Variants in PUM1 observed in about 807,000 individuals in gnomAD.
The protein encoded by PUM1 is pumilio RNA binding family member 1, also known as pumilio homolog 1.
Under a neutral mutation model 131.8 loss-of-function variants are expected in PUM1, and 13 were observed. The observed-to-expected ratio is 0.10, with a 90% CI of 0.06 to 0.16. PUM1 has a LOEUF of 0.16. PUM1 is among the 10% of genes least tolerant of loss of function. The probability of loss-of-function intolerance (pLI) is 1.00; values close to 1 mark genes in which losing one functional copy is unlikely to be tolerated. For missense variants in PUM1, 961 were observed against 1,512.4 expected (o/e 0.64, Z 6.05); for synonymous variants, 509 against 556.5 (o/e 0.91, Z 1.20).
chr1:31,002,007 C>T (rs1054151456), intron 5 of PUM1, among the ~76,000 whole-genome samples: 1 of 152,170 alleles, frequency 6.6e-6, no homozygotes, highest in African/African-American at 2.4e-5. Flanking sequence ...CTAATGCTGT[C>T]GGCCCACTGA....
intron 3 of PUM1, among the ~76,000 whole-genome samples, chr1:31,018,142 G>C (rs954500724): frequency 6.6e-6 from 1 of 151,962 alleles, no homozygotes; most frequent in African/African-American, 2.4e-5. Context: ...CTAAAGTCAG[G>C]AGTTCAAGAC....
rs562450504 is a variant in PUM1, at chr1:31,028,319, T to C, written c.432+477A>G. 1.0e-4 allele frequency among the ~76,000 whole-genome samples: 15 copies of C among 149,972 alleles called. No individual in the cohort carries two copies. The South Asian group carries it at 2.1e-3, about 21-fold the overall frequency. ...AAACCTAACAACTTCCCTTTCACAA[T>C]GGAGCTCTAAACAACTTCCTCAAAA... On this transcript the variant is annotated intron_variant, in intron 3 of 21. Transcript: ENST00000426105.
At chr1:30,945,518 A>G (rs1328990977) in intron 17 of PUM1, 35 bp from the exon 18 acceptor site, 66 of 1,612,140 alleles carry the variant, frequency 4.1e-5, no homozygotes, top group Non-Finnish European at 5.5e-5. Context: ...CCAGAATCAC[A>G]GCAAGCAAAC....
chr1:30,943,444 G>T (rs1639543710), intron 18 of PUM1, among the ~76,000 whole-genome samples: 1 of 152,038 alleles, frequency 6.6e-6, no homozygotes, highest in Admixed American at 6.5e-5. Flanking sequence ...TAGAGACGGG[G>T]TTTCACCGTG....
At chr1:30,951,926 C>A (rs1015299883) in intron 16 of PUM1, among the ~76,000 whole-genome samples, 2 of 152,176 alleles carry the variant, frequency 1.3e-5, no homozygotes, top group Non-Finnish European at 2.9e-5. Flanking sequence ...ATTATTTCCT[C>A]CTTAAGTGAC....
intron 5 of PUM1, among the ~76,000 whole-genome samples, chr1:31,001,167 G>C (rs1642197395): frequency 6.6e-6 from 1 of 151,582 alleles, no homozygotes; most frequent in Non-Finnish European, 1.5e-5. Context: ...CTGGGCGACA[G>C]AGCAAGACTC....
intron 5 of PUM1, among the ~76,000 whole-genome samples, chr1:30,997,266 C>T (rs1216445518): frequency 6.6e-6 from 1 of 152,128 alleles, no homozygotes; most frequent in Non-Finnish European, 1.5e-5. Flanking sequence ...ATAATCCCAG[C>T]ACTTTGGAAG....
intron 2 of PUM1, among the ~76,000 whole-genome samples, chr1:31,038,296 A>ATTTATT (rs1643683999): frequency 6.6e-6 from 1 of 152,064 alleles, no homozygotes; most frequent in Non-Finnish European, 1.5e-5. Context: ...CTGAGGGGGT[A>ATTTATT]GAAATTATTT....
intron 20 of PUM1, among the ~76,000 whole-genome samples, chr1:30,938,392 A>G (rs998647805): frequency 3.9e-5 from 6 of 152,174 alleles, no homozygotes; most frequent in Non-Finnish European, 8.8e-5. Flanking sequence ...AGCTGGGACT[A>G]TAGGCGTGTG....
At chr1:31,014,284 G>C (rs1173682620) in intron 3 of PUM1, among the ~76,000 whole-genome samples, 2 of 121,156 alleles carry the variant, frequency 1.7e-5, no homozygotes, top group African/African-American at 3.3e-5. Context: ...CTGGGCAACA[G>C]AGCAAGATCC....
intron 2 of PUM1, among the ~76,000 whole-genome samples, chr1:31,042,422 T>G (rs1338006509): frequency 2.6e-5 from 4 of 152,116 alleles, no homozygotes; most frequent in Non-Finnish European, 5.9e-5. Context: ...ATCTACTAAC[T>G]TTTTTAAAAA....
chr1:31,022,008 G>A (rs1042045522), intron 3 of PUM1, among the ~76,000 whole-genome samples: 7 of 151,494 alleles, frequency 4.6e-5, no homozygotes, highest in Admixed American at 6.6e-5. Context: ...CATACATGAG[G>A]TGATTAGCAT....
intron 19 of PUM1, 51 bp downstream of exon 19, chr1:30,941,947 C>G: frequency 6.8e-7 from 1 of 1,467,058 alleles, no homozygotes; most frequent in Non-Finnish European, 9.3e-7. Context: ...AAACTCTGGC[C>G]CTGCACAAGC....
chr1:30,954,124 G>C (rs189434198), intron 14 of PUM1, 143 bp from the exon 15 acceptor site: 8 of 890,296 alleles, frequency 9.0e-6, no homozygotes, highest in Admixed American at 2.8e-5. Context: ...AATTCTATTA[G>C]CGTCATGACT....
intron 2 of PUM1, among the ~76,000 whole-genome samples, chr1:31,045,491 G>A (rs1358902471): frequency 3.3e-5 from 5 of 152,192 alleles, no homozygotes; most frequent in African/African-American, 1.2e-4. Flanking sequence ...GCTCACACCT[G>A]TAATACCAGC....
At chr1:30,991,703 T>A (rs751421703) in intron 7 of PUM1, among the ~76,000 whole-genome samples, 2 of 152,252 alleles carry the variant, frequency 1.3e-5, no homozygotes, top group Non-Finnish European at 2.9e-5. Flanking sequence ...TTCAGACAGC[T>A]GACCTTTCTT....
At chr1:31,031,719 C>T (rs1444711161) in intron 2 of PUM1, among the ~76,000 whole-genome samples, 20 of 152,216 alleles carry the variant, frequency 1.3e-4, no homozygotes, top group Admixed American at 1.3e-3. Flanking sequence ...CTCTCTTGGT[C>T]TTGCCTTTGC....
intron 19 of PUM1, 77 bp from the exon 20 acceptor site, chr1:30,941,349 T>A (rs1419968229): frequency 1.4e-6 from 2 of 1,424,862 alleles, no homozygotes; most frequent in Non-Finnish European, 1.9e-6. Flanking sequence ...TTATATCTAA[T>A]TAAAACCTGT....
In PUM1 at chr1:31,007,146, G is replaced by T. The variant is rs370463967; in HGVS notation, c.433-44C>A. The T allele has an allele frequency of 5.2e-5, 75 of 1,442,096 alleles. No homozygotes were observed. In the African/African-American group the frequency reaches 9.5e-4, roughly 18 times the overall value. The allele number at this position is 1,442,096 out of a possible 1,614,324, so 89.3% of individuals were successfully genotyped here. The stretch of plus-strand genomic sequence containing the variant: ...AGATGCTTTTAAAGAATTCATAAAG[G>T]ATGAAAGTACAGCAGTCAACACTTT... On this transcript the variant is annotated intron_variant, in intron 3 of 21. Transcript: ENST00000426105.
Sources: allele counts gnomAD v4.1 joint callset (sites outside exome capture counted in the v4.1 genomes callset), GRCh38; gene constraint gnomAD v4.1.1; transcripts MANE v1.5; gene names NCBI Gene and HGNC (gene_info 2026-07-23, HGNC 2026-07-21).